IL17B: variants seen among roughly 807,000 people sequenced by gnomAD.
IL17B encodes interleukin-17B.
In IL17B, 14 loss-of-function variants were observed where a neutral mutation model predicts 14.7. The ratio of observed to expected loss-of-function variants is 0.95; its 90% confidence interval spans 0.63 to 1.49. The LOEUF is 1.49. IL17B is among the 40% of genes most tolerant of loss of function. IL17B has a pLI of 0.00. For synonymous variants in IL17B, 105 were observed against 94.8 expected (o/e 1.11, Z -0.62); for missense variants, 233 against 252.8 (o/e 0.92, Z 0.53).
chr5:149,403,377 C>T (rs1484259068), intron 1 of IL17B, among the ~76,000 whole-genome samples: 17 of 152,226 alleles, frequency 1.1e-4, no homozygotes, highest in Admixed American at 6.5e-4. Context: ...TGAGCCACCA[C>T]GCCTAGCCAT....
intron 1 of IL17B, among the ~76,000 whole-genome samples, chr5:149,377,357 G>A (rs1438460536): frequency 6.6e-6 from 1 of 152,176 alleles, no homozygotes; most frequent in African/African-American, 2.4e-5. Flanking sequence ...TCTTAGGGAT[G>A]CCTCTGGACT....
chr5:149,385,698 A>T (rs1026356363), intron 1 of IL17B, among the ~76,000 whole-genome samples: 2 of 152,212 alleles, frequency 1.3e-5, no homozygotes, highest in Non-Finnish European at 2.9e-5. Flanking sequence ...CTCAGAGTTT[A>T]CAGGACGTCT....
chr5:149,386,039 C>G (rs1437984647), intron 1 of IL17B, among the ~76,000 whole-genome samples: 3 of 152,168 alleles, frequency 2.0e-5, no homozygotes, highest in Non-Finnish European at 4.4e-5. Flanking sequence ...GGCCTGCACC[C>G]CGAACATTAA....
At chr5:149,403,722 C>T (rs1391453499) in intron 1 of IL17B, among the ~76,000 whole-genome samples, 1 of 151,704 alleles carries the variant, frequency 6.6e-6, no homozygotes, top group East Asian at 1.9e-4. Flanking sequence ...GATCTCAGGG[C>T]TGGGAAGGGA....
intron 1 of IL17B, among the ~76,000 whole-genome samples, chr5:149,397,283 C>T (rs779223368): frequency 1.3e-5 from 2 of 152,204 alleles, no homozygotes; most frequent in Non-Finnish European, 2.9e-5. Flanking sequence ...GATTCTCCCA[C>T]CTCAGCCTCC....
intron 1 of IL17B, among the ~76,000 whole-genome samples, chr5:149,386,979 TAC>T (rs1758838721): frequency 6.6e-6 from 1 of 152,224 alleles, no homozygotes; most frequent in East Asian, 1.9e-4. Flanking sequence ...GTGCTGGGAT[TAC>T]AGACATGAGC....
chr5:149,401,648 G>A (rs1759207363), intron 1 of IL17B, among the ~76,000 whole-genome samples: 1 of 152,176 alleles, frequency 6.6e-6, no homozygotes, highest in South Asian at 2.1e-4. Flanking sequence ...AGGGGGCTGA[G>A]GGAGGCTGAG....
In IL17B at chr5:149,377,990, A is replaced by G. The variant is rs551844714; in HGVS notation, c.22-965T>C. Among the ~76,000 whole-genome samples the G allele has an allele frequency of 4.1e-4, 62 of 152,042 alleles. 1 individual carries two copies. In the South Asian group the frequency reaches 0.011, roughly 28 times the overall value. On this transcript the variant is annotated intron_variant, in intron 1 of 2. Coordinates refer to ENST00000261796, the MANE Select transcript of IL17B (RefSeq NM_014443.3). Reference sequence around the variant, plus strand: ...AACCCCGTCTCTACTAAAAATACAAAAAAATTAGCCGGGTGTGGTGGCGGG... The same window carrying G: ...AACCCCGTCTCTACTAAAAATACAAGAAAATTAGCCGGGTGTGGTGGCGGG...
chr5:149,390,587 G>GCA (rs56268721), intron 1 of IL17B, among the ~76,000 whole-genome samples: 9,178 of 114,846 alleles, frequency 0.08, 361 homozygotes, highest in African/African-American at 0.087. Flanking sequence ...CCCTGAGTTA[G>GCA]CACACACACA....
intron 1 of IL17B, among the ~76,000 whole-genome samples, chr5:149,387,535 G>A (rs532158169): frequency 6.6e-5 from 10 of 152,294 alleles, no homozygotes; most frequent in Admixed American, 2.6e-4. Context: ...TTGAGAGGCC[G>A]AGGCAGGAGA....
At position 149,374,430 on chromosome 5, in the gene IL17B, C is replaced by A; in HGVS notation, c.482G>T (p.Gly161Val). 1 of 1,608,252 alleles carries A rather than the reference C, an allele frequency of 6.2e-7. No homozygotes were observed. The highest frequency in any genetic ancestry group is 1.1e-5 in the South Asian group (1 of 90,956). ...RRLCPPPPRT[G>V]PCRQRAVMET... The stretch of plus-strand genomic sequence containing the variant: ...CATGACTGCGCGCTGGCGGCAAGGC[C>A]CTGTGCGGGGCGGTGGCGGGCAGAG... The change falls in exon 3 of 3, where the codon GGG becomes GTG. Residue 161 changes from glycine (G) to valine (V), a missense_variant. Physicochemically the swap from Gly to Val is moderately radical, Grantham distance 109. Transcript: ENST00000261796. This position sits in a 1 kb window ranked among gnomAD's most constrained non-coding sequence, Gnocchi z 5.0.
chr5:149,378,494 G>T (rs1389129084), intron 1 of IL17B, among the ~76,000 whole-genome samples: 1 of 152,202 alleles, frequency 6.6e-6, no homozygotes, highest in Non-Finnish European at 1.5e-5. Context: ...TCCCAGGATG[G>T]AGGCACCTCT....
chr5:149,403,019 A>G (rs1249602921), intron 1 of IL17B, among the ~76,000 whole-genome samples: 1 of 151,646 alleles, frequency 6.6e-6, no homozygotes, highest in Non-Finnish European at 1.5e-5. Flanking sequence ...AAAAAAAAAA[A>G]AAAAAACTCA....
chr5:149,400,450 C>T (rs1224812251), intron 1 of IL17B, among the ~76,000 whole-genome samples: 2 of 152,180 alleles, frequency 1.3e-5, no homozygotes, highest in African/African-American at 4.8e-5. Flanking sequence ...TTAAGCCACC[C>T]TGTCTGGATG....
rs193133674 is a variant in IL17B, at chr5:149,379,229, G to T, written c.-4C>A. 2 of 1,613,776 alleles carry T rather than the reference G, an allele frequency of 1.2e-6. No individual in the cohort carries two copies. The highest frequency in any genetic ancestry group is 1.1e-5 in the South Asian group (1 of 91,080). On this transcript the variant is annotated 5_prime_UTR_variant, in exon 1 of 3. Transcript: ENST00000261796. The stretch of plus-strand genomic sequence containing the variant: ...CCAGGTTGTGAGGCCAGTCCATTCC[G>T]CCAAGCTGCAAGGTCAGCCTGCAGC...
chr5:149,378,682 A>G (rs1219399526), intron 1 of IL17B, among the ~76,000 whole-genome samples: 2 of 152,270 alleles, frequency 1.3e-5, no homozygotes, highest in Non-Finnish European at 2.9e-5. Context: ...AATCTGCAAC[A>G]GAGATTCAAG....
intron 1 of IL17B, among the ~76,000 whole-genome samples, chr5:149,378,016 T>C (rs1031361526): frequency 2.0e-4 from 31 of 151,904 alleles, no homozygotes; most frequent in East Asian, 5.8e-4. Context: ...TGGTGGCGGG[T>C]GCCTGTAGTC....
At chr5:149,398,045 G>A (rs6867034) in intron 1 of IL17B, among the ~76,000 whole-genome samples, 49,726 of 151,824 alleles carry the variant, frequency 0.33, 8,358 homozygotes, top group African/African-American at 0.39. Context: ...ATACACACCC[G>A]ACATAATGCT....
chr5:149,393,856 A>AT (rs982393845), intron 1 of IL17B, among the ~76,000 whole-genome samples: 1 of 152,172 alleles, frequency 6.6e-6, no homozygotes, highest in African/African-American at 2.4e-5. Context: ...TTGAGTTTCC[A>AT]TTCTTCTCTG....
Sources: allele counts gnomAD v4.1 joint callset (sites outside exome capture counted in the v4.1 genomes callset), GRCh38; gene constraint gnomAD v4.1.1; non-coding constraint Gnocchi (gnomAD v3.1); transcripts MANE v1.5; gene names NCBI Gene and HGNC (gene_info 2026-07-23, HGNC 2026-07-21).